The following PACS1 variants were observed in gnomAD, a reference collection of about 807,000 sequenced individuals.
The protein encoded by PACS1 is phosphofurin acidic cluster sorting protein 1, also known as PACS-1.
Under a neutral mutation model 115.0 loss-of-function variants are expected in PACS1, and 24 were observed. The observed-to-expected ratio is 0.21, with a 90% CI of 0.15 to 0.29. The LOEUF (loss-of-function observed/expected upper bound fraction) is 0.29. PACS1 is among the 10% of genes least tolerant of loss of function. The probability of loss-of-function intolerance (pLI) is 1.00; values close to 1 mark genes in which losing one functional copy is unlikely to be tolerated. For synonymous variants in PACS1, 453 were observed against 504.5 expected, an observed-to-expected ratio of 0.90 and a Z score of 1.37; for missense variants, 838 against 1,251.2, an observed-to-expected ratio of 0.67 and a Z score of 4.98.
At chr11:66,167,762 C>T (rs1434839214) in intron 1 of PACS1, among the ~76,000 whole-genome samples, 1 of 149,820 alleles carries the variant, frequency 6.7e-6, no homozygotes, top group Admixed American at 6.6e-5. Context: ...TTTTTTTTCC[C>T]AGTTATTGAA....
intron 1 of PACS1, among the ~76,000 whole-genome samples, chr11:66,128,711 C>G (rs1379675505): frequency 6.6e-6 from 1 of 151,956 alleles, no homozygotes; most frequent in Non-Finnish European, 1.5e-5. Flanking sequence ...TGGGGAAACC[C>G]TGTCTGTACT....
At chr11:66,173,624 C>T (rs888263102) in intron 1 of PACS1, among the ~76,000 whole-genome samples, 1 of 151,938 alleles carries the variant, frequency 6.6e-6, no homozygotes, top group South Asian at 2.1e-4. Flanking sequence ...GCAGGAGAAT[C>T]GCTTGAACCC....
intron 1 of PACS1, among the ~76,000 whole-genome samples, chr11:66,104,408 C>G (rs190704890): frequency 6.6e-6 from 1 of 152,272 alleles, no homozygotes; most frequent in East Asian, 1.9e-4. Context: ...TGGTTTGTAG[C>G]CCAAATCCTG....
At position 66,073,943 on chromosome 11, in the gene PACS1, T is replaced by A. The variant is rs199882431; in HGVS notation, c.356+3101T>A. Among the ~76,000 whole-genome samples the A allele has an allele frequency of 3.1e-3, 342 of 108,876 alleles. 1 individual carries two copies. The highest frequency in any genetic ancestry group is 0.02 in the Middle Eastern group (4 of 202). The allele number at this position is 108,876 out of a possible 152,430, so 71.4% of individuals were successfully genotyped here. A position where few individuals can be genotyped will look rare whatever the true frequency, so the allele number is the denominator to read the frequency against. ...TTTTTTTTTTTTTTTTTTTTTTTTTTAAAAACAGGGTCTCACTATGTTGCC... is the reference window on the plus strand; with the variant it reads ...TTTTTTTTTTTTTTTTTTTTTTTTTAAAAAACAGGGTCTCACTATGTTGCC... On this transcript the variant is annotated intron_variant, in intron 1 of 23. Transcript: ENST00000320580.
At chr11:66,169,728 A>G (rs1859693226) in intron 1 of PACS1, among the ~76,000 whole-genome samples, 1 of 149,946 alleles carries the variant, frequency 6.7e-6, no homozygotes, top group Non-Finnish European at 1.5e-5. Context: ...TTTTAAATAC[A>G]TTATTTGTTT....
At chr11:66,160,590 G>A (rs1859463929) in intron 1 of PACS1, among the ~76,000 whole-genome samples, 1 of 151,554 alleles carries the variant, frequency 6.6e-6, no homozygotes, top group African/African-American at 2.4e-5. Context: ...TCAATCTCCT[G>A]GGCTCGAGTG....
intron 1 of PACS1, among the ~76,000 whole-genome samples, chr11:66,113,232 A>C (rs578148466): frequency 1.3e-5 from 2 of 152,320 alleles, no homozygotes; most frequent in South Asian, 4.1e-4. Flanking sequence ...ATTTAAATGT[A>C]CTTTGGATTT....
chr11:66,220,042 T>C (rs1320264918), intron 8 of PACS1, among the ~76,000 whole-genome samples: 2 of 151,958 alleles, frequency 1.3e-5, no homozygotes, highest in African/African-American at 4.8e-5. Context: ...GCCCGACCCT[T>C]GGTGATGCGC....
intron 1 of PACS1, among the ~76,000 whole-genome samples, chr11:66,124,421 G>A (rs1226485324): frequency 6.6e-6 from 1 of 152,158 alleles, no homozygotes; most frequent in Admixed American, 6.5e-5. Flanking sequence ...AGTTAGGGTT[G>A]TTGTGATCAT....
intron 10 of PACS1, among the ~76,000 whole-genome samples, chr11:66,222,968 C>T (rs4483592): frequency 0.19 from 28,424 of 150,644 alleles, 2,802 homozygotes; most frequent in East Asian, 0.27. Context: ...GGAGAAACCC[C>T]AGCCCTGCCC....
intron 1 of PACS1, among the ~76,000 whole-genome samples, chr11:66,184,188 C>G (rs1860067175): frequency 6.6e-6 from 1 of 151,708 alleles, no homozygotes; most frequent in Non-Finnish European, 1.5e-5. Flanking sequence ...TGGCATGCAC[C>G]TGTAATCCCA....
chr11:66,120,401 T>C (rs544473784), intron 1 of PACS1, among the ~76,000 whole-genome samples: 1 of 152,332 alleles, frequency 6.6e-6, no homozygotes, highest in African/African-American at 2.4e-5. Context: ...CCAGCCTGAA[T>C]ACTAATTATA....
At chr11:66,234,785 G>T (rs1319508037) in intron 17 of PACS1, among the ~76,000 whole-genome samples, 1 of 152,178 alleles carries the variant, frequency 6.6e-6, no homozygotes, top group East Asian at 1.9e-4. Context: ...GCTGAGGTGG[G>T]AGAATTGCTT....
At chr11:66,221,578 G>A (rs1436378794) in intron 10 of PACS1, 5 of 217,298 alleles carry the variant, frequency 2.3e-5, no homozygotes, top group Admixed American at 1.1e-4. Context: ...GCCGGGAGGC[G>A]GAGGTTGCAG....
chr11:66,090,351 C>T (rs1285244354), intron 1 of PACS1, among the ~76,000 whole-genome samples: 3 of 148,074 alleles, frequency 2.0e-5, no homozygotes, highest in African/African-American at 7.5e-5. Flanking sequence ...CAGCTCACTG[C>T]AGCCTGAACC....
In PACS1 at chr11:66,073,594, GTGTAGT is replaced by G. The variant is rs1857347517; in HGVS notation, c.356+2756_356+2761del. Among the ~76,000 whole-genome samples, 10 of 152,292 alleles carry G rather than the reference GTGTAGT, an allele frequency of 6.6e-5. No individual in the cohort carries two copies. In the South Asian group the frequency reaches 1.9e-3, roughly 28 times the overall value. On this transcript the variant is annotated intron_variant, in intron 1 of 23. Transcript: ENST00000320580. ...GTATTAGATATTTAAATAAAGAGCA[GTGTAGT>G]TGTTCTTCAGGTAGGTGTCTGCTCT...
At chr11:66,162,278 C>G (rs139235087) in intron 1 of PACS1, among the ~76,000 whole-genome samples, 4 of 151,772 alleles carry the variant, frequency 2.6e-5, no homozygotes, top group South Asian at 2.1e-4. Context: ...CCCGCCACCA[C>G]GCCAGGCTAA....
intron 1 of PACS1, among the ~76,000 whole-genome samples, chr11:66,123,348 T>C (rs1454236354): frequency 1.3e-5 from 2 of 150,610 alleles, no homozygotes; most frequent in Non-Finnish European, 3.0e-5. Context: ...CGTGCCACCA[T>C]GTCCAGCTAA....
chr11:66,074,595 C>T (rs1310342068), intron 1 of PACS1, among the ~76,000 whole-genome samples: 3 of 152,176 alleles, frequency 2.0e-5, no homozygotes, highest in Non-Finnish European at 2.9e-5. Context: ...CTGTATCATT[C>T]GCAAACCATA....
Sources: gnomAD v4.1 joint callset for allele counts (sites outside exome capture counted in the v4.1 genomes callset) on GRCh38, gnomAD v4.1.1 for gene constraint, MANE v1.5 for transcripts, NCBI Gene and HGNC (gene_info 2026-07-23, HGNC 2026-07-21) for gene names.